The following FABP2 variants were observed in gnomAD, a reference collection of about 807,000 sequenced individuals.
FABP2 encodes the protein fatty acid binding protein 2.
In FABP2, 11 loss-of-function variants were observed where a neutral mutation model predicts 16.1. The observed-to-expected ratio is 0.68, with a 90% CI of 0.43 to 1.13. The LOEUF is 1.13. FABP2 is among the 50% of genes most tolerant of loss of function. The pLI is 0.00. For missense variants in FABP2, 146 were observed against 155.1 expected (o/e 0.94, Z 0.31); for synonymous variants, 45 against 50.9 (o/e 0.88, Z 0.49).
In FABP2 at chr4:119,319,022, T is replaced by C; in HGVS notation, c.*19A>G. 6.3e-7 allele frequency: 1 copy of C among 1,587,490 alleles called. No individual in the cohort carries two copies. Among genetic ancestry groups the C allele is most frequent in the Non-Finnish European group, 8.6e-7 (1 of 1,166,416 alleles). ...CTTCTGTCCAATTTGTATTTTGGAC[T>C]GTGCGCCAAGAATAATGCTCAATCC... On this transcript the variant is annotated 3_prime_UTR_variant, in exon 4 of 4. Transcript: ENST00000274024.
chr4:119,321,968 T>A (rs1224130872), intron 1 of FABP2, 68 bp downstream of exon 1: 1 of 1,260,556 alleles, frequency 7.9e-7, no homozygotes, highest in Non-Finnish European at 1.2e-6. Flanking sequence ...TCCTAGAGAT[T>A]TAGGAGTTAG....
rs1755621007 is a variant in FABP2 at position 119,318,887 on chromosome 4, T to A, written c.*154A>T. 1.9e-6 allele frequency: 1 copy of A among 525,888 alleles called. No individual in the cohort carries two copies. Among genetic ancestry groups the A allele is most frequent in the Non-Finnish European group, 3.4e-6 (1 of 291,006 alleles). 32.6% of individuals were successfully genotyped at this position (525,888 alleles called of 1,614,324 possible). On this transcript the variant is annotated 3_prime_UTR_variant, in exon 4 of 4. Transcript: ENST00000274024. ...AAATTAAATCCTAATTAGCTTTTAC[T>A]TCTTTTGCTTTGGCATGAATGGAAA...
intron 2 of FABP2, 35 bp from the exon 3 acceptor site, chr4:119,319,678 A>G: frequency 1.0e-6 from 1 of 981,774 alleles, no homozygotes; most frequent in South Asian, 2.6e-5. Flanking sequence ...AATAATAATA[A>G]TGGCATTTAT....
In FABP2 at chr4:119,319,066, G is replaced by T. The variant is rs1221087220; in HGVS notation, c.374C>A (p.Ala125Asp). Residue 125 changes from alanine (A) to aspartate (D), a missense_variant, in exon 4 of 4, where the codon GCC becomes GAC. Coordinates refer to ENST00000274024, the MANE Select transcript of FABP2 (RefSeq NM_000134.4). ...TCAATCCTTTTTAAAGATCCTTTTG[G>T]CTTCTACTCCTTCATATACATAAGT... ...VQTYVYEGVE[A>D]KRIFKKD is the part of the protein sequence containing the mutation. 6.2e-7 allele frequency: 1 copy of T among 1,601,326 alleles called. No individual in the cohort carries two copies. Among genetic ancestry groups the T allele is most frequent in the African/African-American group, 1.4e-5 (1 of 74,054 alleles).
At chr4:119,320,086 G>A (rs1755641526) in intron 2 of FABP2, among the ~76,000 whole-genome samples, 1 of 151,932 alleles carries the variant, frequency 6.6e-6, no homozygotes, top group African/African-American at 2.4e-5. Context: ...CATAACTTAT[G>A]ATAAAACATT....
At chr4:119,320,585 C>T (rs1028054482) in intron 2 of FABP2, 85 bp downstream of exon 2, 18 of 1,096,712 alleles carry the variant, frequency 1.6e-5, no homozygotes, top group South Asian at 4.5e-5. Context: ...ATTAATTAAA[C>T]CATCCAATGA....
At chr4:119,319,467 C>T in intron 3 of FABP2, 69 bp downstream of exon 3, 1 of 855,388 alleles carries the variant, frequency 1.2e-6, no homozygotes, top group Non-Finnish European at 1.9e-6. Flanking sequence ...TCTGGCTCAG[C>T]AGTGACAAAA....
rs997145370 is a variant in FABP2, at chr4:119,317,857, T to C, written c.*1184A>G. Reference sequence around the variant, plus strand: ...GGAAAATTGGCAATGTATGTGTTTATGTGAAAAAACCCACAACAACAAAAA... The same window carrying C: ...GGAAAATTGGCAATGTATGTGTTTACGTGAAAAAACCCACAACAACAAAAA... On this transcript the variant is annotated 3_prime_UTR_variant, in exon 4 of 4. Coordinates refer to ENST00000274024, the MANE Select transcript of FABP2 (RefSeq NM_000134.4). 6.6e-6 allele frequency: 1 copy of C among 152,048 alleles called. No homozygotes were observed. 9.4% of individuals were successfully genotyped at this position (152,048 alleles called of 1,614,324 possible).
chr4:119,321,226 A>G (rs190420525), intron 1 of FABP2, among the ~76,000 whole-genome samples: 1 of 152,084 alleles, frequency 6.6e-6, no homozygotes, highest in African/African-American at 2.4e-5. Context: ...CATATACAGT[A>G]TTCTTTTTTC....
intron 2 of FABP2, among the ~76,000 whole-genome samples, chr4:119,320,069 A>G (rs1546505): frequency 0.27 from 40,709 of 151,866 alleles, 5,582 homozygotes; most frequent in East Asian, 0.38. Flanking sequence ...TACTAATTAA[A>G]GAAAGACATA....
At position 119,317,390 on chromosome 4, in the gene FABP2, C is replaced by T. The variant is rs927545144; in HGVS notation, c.*1651G>A. 2 of 152,018 alleles carry T rather than the reference C, an allele frequency of 1.3e-5. No individual in the cohort carries two copies. The highest frequency in any genetic ancestry group is 2.4e-5 in the African/African-American group (1 of 41,420). 9.4% of individuals were successfully genotyped at this position (152,018 alleles called of 1,614,324 possible). A position where few individuals can be genotyped will look rare whatever the true frequency, so the allele number is the denominator to read the frequency against. ...TTGTACCCATTAAGTAAATTATCAT[C>T]GCCCCCTGCCAACCCTCCAACTCTT... is the stretch of plus-strand genomic sequence containing the variant. On this transcript the variant is annotated 3_prime_UTR_variant, in exon 4 of 4. Transcript: ENST00000274024.
Position 119,318,499 on chromosome 4 carries a change from G to T in FABP2, c.*542C>A. The T allele has an allele frequency of 6.6e-6, 1 of 152,272 alleles. No individual in the cohort carries two copies. The highest frequency in any genetic ancestry group is 2.0e-4 in the South Asian group (1 of 4,926). The allele number at this position is 152,272 out of a possible 1,614,324, so 9.4% of individuals were successfully genotyped here. Reference sequence around the variant, plus strand: ...GGATTGCTTGAGGCCAGGGGTTCAAGACCAGCCTGGGCAATATAGCAAGAC... The same window carrying T: ...GGATTGCTTGAGGCCAGGGGTTCAATACCAGCCTGGGCAATATAGCAAGAC... On this transcript the variant is annotated 3_prime_UTR_variant, in exon 4 of 4. Coordinates refer to ENST00000274024, the MANE Select transcript of FABP2 (RefSeq NM_000134.4).
At chr4:119,319,794 A>G (rs1755636378) in intron 2 of FABP2, 151 bp from the exon 3 acceptor site, 1 of 320,576 alleles carries the variant, frequency 3.1e-6, no homozygotes, top group South Asian at 1.1e-4. Context: ...TCTACTTTGC[A>G]GAAGAGGAGA....
intron 1 of FABP2, among the ~76,000 whole-genome samples, chr4:119,321,637 CCTTTT>C (rs1755671145): frequency 6.6e-6 from 1 of 152,080 alleles, no homozygotes; most frequent in African/African-American, 2.4e-5. Context: ...TTTAAGAGAA[CCTTTT>C]CCATTACTTT....
chr4:119,320,805 G>T lies in FABP2; in HGVS notation c.105C>A (p.Asp35Glu), dbSNP rs866200150. 1 of 1,600,180 alleles carries T rather than the reference G, an allele frequency of 6.2e-7. No homozygotes were observed. The highest frequency in any genetic ancestry group is 8.5e-7 in the Non-Finnish European group (1 of 1,175,464). Residue 35 changes from aspartate (D) to glutamate (E), a missense_variant, in exon 2 of 4, where the codon GAC becomes GAA. Physicochemically the swap from Asp to Glu is conservative, Grantham distance 45. Transcript: ENST00000274024. ...NIVKRKLAAHDNLKLTITQEG... is the reference protein window; with the variant it reads ...NIVKRKLAAHENLKLTITQEG... ...CTTGTGTAATTGTCAGCTTCAAATT[G>T]TCATGAGCTGCAAGCTTCCTTTTCA...
intron 2 of FABP2, among the ~76,000 whole-genome samples, 165 bp from the exon 3 acceptor site, chr4:119,319,808 TA>T: frequency 6.6e-6 from 1 of 152,090 alleles, no homozygotes; most frequent in Non-Finnish European, 1.5e-5. Flanking sequence ...GAGGAGACTG[TA>T]AAATGGCACA....
chr4:119,319,145 A>C, intron 3 of FABP2, 54 bp from the exon 4 acceptor site: 1 of 1,173,032 alleles, frequency 8.5e-7, no homozygotes, highest in Non-Finnish European at 1.2e-6. Context: ...CATCTAAGTT[A>C]AGAAAAAGTA....
At position 119,319,529 on chromosome 4, in the gene FABP2, A is replaced by G. The variant is rs1172764148; in HGVS notation, c.348+7T>C. 1.9e-6 allele frequency: 3 copies of G among 1,543,556 alleles called. No homozygotes were observed. In the African/African-American group the frequency reaches 4.2e-5, roughly 22 times the overall value. On this transcript the variant is annotated splice_region_variant and intron_variant, in intron 3 of 3. Transcript: ENST00000274024. Reference sequence around the variant, plus strand: ...TTTTGAAAATAGCTATAAATTTGACAACTCACCTGGACTAGTTCATCACCT... The same window carrying G: ...TTTTGAAAATAGCTATAAATTTGACGACTCACCTGGACTAGTTCATCACCT...
chr4:119,319,647 CATAATAATA>C lies in FABP2; in HGVS notation c.241-13_241-5del, dbSNP rs71595363. 2.9e-4 allele frequency: 232 copies of C among 798,106 alleles called. 14 individuals carry two copies. The highest frequency in any genetic ancestry group is 2.0e-3 in the South Asian group (84 of 41,230). The allele number at this position is 798,106 out of a possible 1,614,324, so 49.4% of individuals were successfully genotyped here. ...TTCCCTCAAGGCTCCAGGTCCCCTACATAATAATAATAATAATAATAATAATAATAATGG... is the reference window on the plus strand; with the variant it reads ...TTCCCTCAAGGCTCCAGGTCCCCTACATAATAATAATAATAATAATAATGG... On this transcript the variant is annotated splice_polypyrimidine_tract_variant and splice_region_variant and intron_variant, in intron 2 of 3. Transcript: ENST00000274024.
Sources: gnomAD v4.1 joint callset for allele counts (sites outside exome capture counted in the v4.1 genomes callset) on GRCh38, gnomAD v4.1.1 for gene constraint, MANE v1.5 for transcripts, NCBI Gene and HGNC (gene_info 2026-07-23, HGNC 2026-07-21) for gene names.